Variants in NFIA observed in about 807,000 individuals in gnomAD.
The protein encoded by NFIA is nuclear factor 1 A-type.
A neutral mutation model predicts 62.8 loss-of-function variants in NFIA; 8 were observed. The ratio of observed to expected loss-of-function variants is 0.13; its 90% confidence interval spans 0.07 to 0.23. The LOEUF (loss-of-function observed/expected upper bound fraction) is 0.23, where lower values mean the gene tolerates loss of function less well. NFIA is among the 10% of genes least tolerant of loss of function. The pLI, the probability that NFIA is intolerant of heterozygous loss-of-function variation, is 1.00. For missense variants in NFIA, 410 were observed against 642.1 expected (o/e 0.64, Z 3.91); for synonymous variants, 235 against 238.1 (o/e 0.99, Z 0.12).
chr1:61,219,844 T>A (rs980755245), intron 2 of NFIA, among the ~76,000 whole-genome samples: 8 of 152,082 alleles, frequency 5.3e-5, no homozygotes, highest in African/African-American at 1.7e-4. Flanking sequence ...CACGCCTTAG[T>A]CCCAGCTACT....
chr1:61,221,234 A>G (rs1361019121), intron 2 of NFIA, among the ~76,000 whole-genome samples: 1 of 152,166 alleles, frequency 6.6e-6, no homozygotes. Flanking sequence ...CTATTTAATA[A>G]GATTACTATT....
chr1:61,424,142 A>G, intron 9 of NFIA, among the ~76,000 whole-genome samples: 1 of 152,146 alleles, frequency 6.6e-6, no homozygotes, highest in East Asian at 1.9e-4. Context: ...TAAGACTGCA[A>G]GTTTTGTCCC....
chr1:61,131,005 A>G (rs1301874650), intron 2 of NFIA, among the ~76,000 whole-genome samples: 4 of 152,124 alleles, frequency 2.6e-5, no homozygotes, highest in Non-Finnish European at 4.4e-5. Context: ...CCTTGTTCCT[A>G]ATTTCACAAC....
chr1:61,132,300 C>T (rs1462237576), intron 2 of NFIA, among the ~76,000 whole-genome samples: 1 of 152,102 alleles, frequency 6.6e-6, no homozygotes, highest in African/African-American at 2.4e-5. Flanking sequence ...GATCATGCTT[C>T]CTGGATCCAC....
intron 6 of NFIA, among the ~76,000 whole-genome samples, chr1:61,370,104 C>A (rs1243905389): frequency 6.6e-6 from 1 of 152,188 alleles, no homozygotes; most frequent in Non-Finnish European, 1.5e-5. Context: ...AGAAGTCAAT[C>A]AATAGTGTGT....
intron 7 of NFIA, among the ~76,000 whole-genome samples, chr1:61,393,630 A>G (rs983439785): frequency 6.6e-6 from 1 of 152,114 alleles, no homozygotes; most frequent in Non-Finnish European, 1.5e-5. Context: ...CTGTCCACCC[A>G]TGGAGTCAGC....
chr1:61,347,347 G>A (rs1297993738), intron 4 of NFIA, among the ~76,000 whole-genome samples: 1 of 151,582 alleles, frequency 6.6e-6, no homozygotes, highest in African/African-American at 2.4e-5. Context: ...CTAATTTTCT[G>A]TATTTTTAGC....
At chr1:61,355,685 ATTCTCCTGCCTCAGCCTTTGAAG>A (rs1434604749) in intron 5 of NFIA, among the ~76,000 whole-genome samples, 18 of 152,088 alleles carry the variant, frequency 1.2e-4, no homozygotes, top group Non-Finnish European at 2.9e-5. Flanking sequence ...AGCTCAAGCA[ATTCTCCTGCCTCAGCCTTTGAAG>A]TAGCTAGGAC....
chr1:61,386,929 A>T (rs1664719797), intron 7 of NFIA, among the ~76,000 whole-genome samples: 2 of 152,174 alleles, frequency 1.3e-5, no homozygotes, highest in African/African-American at 4.8e-5. Flanking sequence ...TTCCTGGTTC[A>T]TAGATGGCAT....
At position 61,219,713 on chromosome 1, in the gene NFIA, C is replaced by CA. The variant is rs749092216; in HGVS notation, c.560-57794dup. On this transcript the variant is annotated intron_variant, in intron 2 of 10. Coordinates refer to ENST00000403491, the MANE Select transcript of NFIA (RefSeq NM_001134673.4). ...TGGGTGACAGAGCGAGACTCCGTCT[C>CA]AAAAAAAAAAAAAGAAAAAAGGCGG... 9.2e-3 allele frequency among the ~76,000 whole-genome samples: 992 copies of CA among 107,776 alleles called. 25 individuals carry two copies. The highest frequency in any genetic ancestry group is 0.025 in the African/African-American group (596 of 23,918). The allele number at this position is 107,776 out of a possible 152,430, so 70.7% of individuals were successfully genotyped here.
chr1:61,175,440 C>A (rs776550737), intron 2 of NFIA, among the ~76,000 whole-genome samples: 3 of 152,160 alleles, frequency 2.0e-5, no homozygotes, highest in Non-Finnish European at 2.9e-5. Flanking sequence ...CAGCGCCTGG[C>A]CCTTATCATG....
At chr1:61,397,090 G>A (rs1229752556) in intron 7 of NFIA, among the ~76,000 whole-genome samples, 1 of 152,138 alleles carries the variant, frequency 6.6e-6, no homozygotes, top group African/African-American at 2.4e-5. Context: ...AGGATTGTAG[G>A]TCTAAGTGAA....
At chr1:61,153,524 C>T (rs1341161182) in intron 2 of NFIA, among the ~76,000 whole-genome samples, 2 of 152,078 alleles carry the variant, frequency 1.3e-5, no homozygotes, top group African/African-American at 4.8e-5. Flanking sequence ...CTAATTTTCC[C>T]GTTGTAAAAA....
chr1:61,406,543 G>GGGGGGGC lies in NFIA; in HGVS notation c.1255-19_1255-18insGGGGGGC. The GGGGGGGC allele has an allele frequency of 1.1e-6, 1 of 876,654 alleles. No individual in the cohort carries two copies. The highest frequency in any genetic ancestry group is 1.5e-6 in the Non-Finnish European group (1 of 653,744). 54.3% of individuals were successfully genotyped at this position (876,654 alleles called of 1,614,324 possible). On this transcript the variant is annotated intron_variant, in intron 8 of 10. Transcript: ENST00000403491. ...TCTTTTTCTTGTACGTGTGTTTTCT[G>GGGGGGGC]CCCCCCCCCCCCCCACAGCCCAATG...
chr1:61,256,900 G>T (rs1275878598), intron 2 of NFIA, among the ~76,000 whole-genome samples: 1 of 152,140 alleles, frequency 6.6e-6, no homozygotes, highest in East Asian at 1.9e-4. Flanking sequence ...CCTGGGACGA[G>T]AACTTCAAGG....
At chr1:61,218,441 A>G (rs968925805) in intron 2 of NFIA, among the ~76,000 whole-genome samples, 4 of 152,214 alleles carry the variant, frequency 2.6e-5, no homozygotes, top group African/African-American at 9.6e-5. Flanking sequence ...AAATCCACGG[A>G]TGCTCAAGTT....
chr1:61,184,315 C>G lies in NFIA; in HGVS notation c.560-93205C>G, dbSNP rs112976687. On this transcript the variant is annotated intron_variant, in intron 2 of 10. Coordinates refer to ENST00000403491, the MANE Select transcript of NFIA (RefSeq NM_001134673.4). Reference sequence around the variant, plus strand: ...ATTTACTCGGCCGCAGCCAATCAGCCGGCAGTGCCAAGCCACGTGACATGC... The same window carrying G: ...ATTTACTCGGCCGCAGCCAATCAGCGGGCAGTGCCAAGCCACGTGACATGC... 3.7e-3 allele frequency among the ~76,000 whole-genome samples: 563 copies of G among 152,320 alleles called. 4 individuals carry two copies. Among genetic ancestry groups the G allele is most frequent in the African/African-American group, 0.013 (533 of 41,580 alleles).
At chr1:61,313,630 C>G (rs895883808) in intron 3 of NFIA, among the ~76,000 whole-genome samples, 2 of 152,168 alleles carry the variant, frequency 1.3e-5, no homozygotes, top group Non-Finnish European at 2.9e-5. Context: ...CTATCAGACA[C>G]TTTCCCTGGA....
chr1:61,233,235 T>C (rs1654786282), intron 2 of NFIA, among the ~76,000 whole-genome samples: 1 of 152,202 alleles, frequency 6.6e-6, no homozygotes, highest in Non-Finnish European at 1.5e-5. Flanking sequence ...TCTCAAACTA[T>C]TGTGTGCACA....
Sources: allele counts gnomAD v4.1 joint callset (sites outside exome capture counted in the v4.1 genomes callset), GRCh38; gene constraint gnomAD v4.1.1; transcripts MANE v1.5; gene names NCBI Gene and HGNC (gene_info 2026-07-23, HGNC 2026-07-21).